Variants in BLK observed in about 807,000 individuals in gnomAD.
BLK encodes the protein BLK proto-oncogene, Src family tyrosine kinase, also known as tyrosine-protein kinase Blk.
In BLK, 64 loss-of-function variants were observed where a neutral mutation model predicts 61.8. The ratio of observed to expected loss-of-function variants is 1.03; its 90% confidence interval spans 0.85 to 1.27. BLK has a LOEUF of 1.27. Ranked by LOEUF, BLK falls within the 50% of genes most tolerant of loss-of-function variation. The pLI, the probability that BLK is intolerant of heterozygous loss-of-function variation, is 0.00. For missense variants in BLK, 853 were observed against 660.5 expected, an observed-to-expected ratio of 1.29 and a Z score of -3.19; for synonymous variants, 351 against 272.0, an observed-to-expected ratio of 1.29 and a Z score of -2.86.
chr8:11,508,676 G>T (rs546606847), intron 1 of BLK, among the ~76,000 whole-genome samples: 2 of 152,324 alleles, frequency 1.3e-5, no homozygotes, highest in East Asian at 3.9e-4. Flanking sequence ...TACTTACGGG[G>T]ATGTGCAGAA....
At chr8:11,548,169 TCCC>T (rs759343550) in intron 4 of BLK, 44 bp downstream of exon 4, 1 of 1,461,766 alleles carries the variant, frequency 6.8e-7, no homozygotes, top group Non-Finnish European at 9.4e-7. Context: ...AGGACCCCCC[TCCC>T]CCACATCTCT....
intron 6 of BLK, among the ~76,000 whole-genome samples, chr8:11,554,437 G>C (rs1320362192): frequency 6.6e-6 from 1 of 152,156 alleles, no homozygotes; most frequent in Non-Finnish European, 1.5e-5. Context: ...GTGACCAGAT[G>C]CCCAAGTGGG....
Position 11,543,332 on chromosome 8 carries a change from G to A in BLK, c.108G>A (p.Pro36=), listed in dbSNP as rs764310667. 79 of 1,613,020 alleles carry A rather than the reference G, an allele frequency of 4.9e-5. No homozygotes were observed. In the South Asian group the frequency reaches 8.0e-4, roughly 16 times the overall value. The part of the protein sequence containing the change: ...LKVSAQDKDA[P]PLPPLVVFNH... ...TCAGCGCCCAAGACAAGGACGCCCC[G>A]CCACTGCCGCCCCTGGTGAGTGATT... The change falls in exon 2 of 13, where the codon CCG becomes CCA. Residue 36 remains proline, a synonymous_variant. Transcript: ENST00000259089.
chr8:11,548,086 T>A lies in BLK; in HGVS notation c.230T>A (p.Leu77Gln). 4 of 1,613,992 alleles carry A rather than the reference T, an allele frequency of 2.5e-6. No homozygotes were observed. The highest frequency in any genetic ancestry group is 3.4e-6 in the Non-Finnish European group (4 of 1,180,018). ...TACACCGCTATGAATGATCGGGACC[T>A]GCAGATGCTGAAGGGGGAGAAGCTA... ...YDYTAMNDRD[L>Q]QMLKGEKLQV... The change falls in exon 4 of 13, where the codon CTG (leucine) becomes CAG (glutamine). Residue 77 changes from leucine (L) to glutamine (Q), a missense_variant. Transcript: ENST00000259089.
intron 9 of BLK, 162 bp from the exon 10 acceptor site, chr8:11,557,800 A>G: frequency 1.5e-6 from 1 of 651,856 alleles, no homozygotes; most frequent in Admixed American, 2.1e-5. Context: ...AGTGGAAGGC[A>G]CTCGGCAGCA....
At chr8:11,505,528 TC>T (rs1276234388) in intron 1 of BLK, among the ~76,000 whole-genome samples, 1 of 152,130 alleles carries the variant, frequency 6.6e-6, no homozygotes, top group African/African-American at 2.4e-5. Context: ...TTCTCTCCTT[TC>T]TCCAATTTGC....
rs77282256 is a variant in BLK, at chr8:11,543,254, C to G, written c.30C>G (p.Asp10Glu). The G allele has an allele frequency of 6.2e-7, 1 of 1,613,956 alleles. No individual in the cohort carries two copies. Among genetic ancestry groups the G allele is most frequent in the Non-Finnish European group, 8.5e-7 (1 of 1,180,008 alleles). MGLVSSKKP[D>E]KEKPIKEKDK... ...GGCTGGTAAGTAGCAAAAAGCCGGACAAGGAAAAGCCGATCAAAGAGAAGG... is the reference window on the plus strand; with the variant it reads ...GGCTGGTAAGTAGCAAAAAGCCGGAGAAGGAAAAGCCGATCAAAGAGAAGG... The change falls in exon 2 of 13, where the codon GAC becomes GAG. Residue 10 changes from aspartate to glutamate, a missense_variant. Transcript: ENST00000259089.
chr8:11,502,141 C>G (rs1189499689), intron 1 of BLK, among the ~76,000 whole-genome samples: 3 of 152,132 alleles, frequency 2.0e-5, no homozygotes, highest in Non-Finnish European at 2.9e-5. Flanking sequence ...TAAAGAACCT[C>G]AAAGCATAGC....
At chr8:11,502,490 G>C (rs942990096) in intron 1 of BLK, among the ~76,000 whole-genome samples, 1 of 151,996 alleles carries the variant, frequency 6.6e-6, no homozygotes, top group Non-Finnish European at 1.5e-5. Flanking sequence ...TTTAAGTAGA[G>C]TTAGCCAGGC....
At chr8:11,557,093 C>G (rs1301492097) in intron 9 of BLK, among the ~76,000 whole-genome samples, 1 of 152,166 alleles carries the variant, frequency 6.6e-6, no homozygotes, top group Non-Finnish European at 1.5e-5. Flanking sequence ...TGGAGTGCAT[C>G]TTCTGTGCCT....
chr8:11,527,223 C>T (rs1799693914), intron 1 of BLK, among the ~76,000 whole-genome samples: 1 of 152,154 alleles, frequency 6.6e-6, no homozygotes, highest in Non-Finnish European at 1.5e-5. Context: ...CAATGGCTTG[C>T]AATGCTCTTT....
At chr8:11,518,732 A>G (rs1799322311) in intron 1 of BLK, among the ~76,000 whole-genome samples, 1 of 152,108 alleles carries the variant, frequency 6.6e-6, no homozygotes, top group East Asian at 1.9e-4. Context: ...CGGCATTTGG[A>G]AAGAAATCCC....
At chr8:11,501,063 G>A (rs1798543232) in intron 1 of BLK, among the ~76,000 whole-genome samples, 1 of 152,004 alleles carries the variant, frequency 6.6e-6, no homozygotes, top group Non-Finnish European at 1.5e-5. Context: ...ACAAAAATTA[G>A]CTGGGCATGG....
intron 1 of BLK, among the ~76,000 whole-genome samples, chr8:11,530,780 G>T (rs1048358551): frequency 3.3e-5 from 5 of 152,156 alleles, no homozygotes; most frequent in Non-Finnish European, 7.3e-5. Context: ...GAATGTTTTG[G>T]TTGTTTCCAG....
In BLK at chr8:11,520,858, C is replaced by T. The variant is rs552141626; in HGVS notation, c.-1-22366C>T. Among the ~76,000 whole-genome samples, 8 of 152,224 alleles carry T rather than the reference C, an allele frequency of 5.3e-5. No homozygotes were observed. In the South Asian group the frequency reaches 1.0e-3, roughly 20 times the overall value. ...AACTGAAATAGACAAAAATCAATAG[C>T]TTTCTTTTTTTCAACAATAACATTA... On this transcript the variant is annotated intron_variant, in intron 1 of 12. Transcript: ENST00000259089.
intron 1 of BLK, among the ~76,000 whole-genome samples, chr8:11,540,947 T>C (rs1041545566): frequency 5.9e-5 from 9 of 151,980 alleles, no homozygotes; most frequent in African/African-American, 2.2e-4. Flanking sequence ...CCCTTGGGAA[T>C]ACAGATTCTC....
chr8:11,541,002 A>T (rs1356823038), intron 1 of BLK, among the ~76,000 whole-genome samples: 1 of 152,236 alleles, frequency 6.6e-6, no homozygotes, highest in Middle Eastern at 3.2e-3. Flanking sequence ...GTGATGGCTG[A>T]CACCTGCAAT....
chr8:11,518,521 A>C (rs1025256234), intron 1 of BLK, among the ~76,000 whole-genome samples: 1 of 151,946 alleles, frequency 6.6e-6, no homozygotes, highest in African/African-American at 2.4e-5. Flanking sequence ...TGTTGCTGGC[A>C]TCTCAGCATT....
chr8:11,559,331 A>T (rs1334644422), intron 10 of BLK, among the ~76,000 whole-genome samples: 2 of 151,902 alleles, frequency 1.3e-5, no homozygotes, highest in Non-Finnish European at 2.9e-5. Flanking sequence ...ACAGACTCAC[A>T]CACACACGGA....
Sources: gnomAD v4.1 joint callset for allele counts (sites outside exome capture counted in the v4.1 genomes callset) on GRCh38, gnomAD v4.1.1 for gene constraint, MANE v1.5 for transcripts, NCBI Gene and HGNC (gene_info 2026-07-23, HGNC 2026-07-21) for gene names.